Variants in ZBTB45 observed in about 807,000 individuals in gnomAD.
ZBTB45 encodes the protein zinc finger and BTB domain containing 45, also known as zinc finger and BTB domain-containing protein 45.
Under a neutral mutation model 28.4 loss-of-function variants are expected in ZBTB45, and 22 were observed. That is an observed-to-expected ratio of 0.77 (90% confidence interval 0.55 to 1.10). ZBTB45 has a LOEUF of 1.10. Among genes scored for constraint, ZBTB45 ranks in the 50% least tolerant of loss-of-function variants. The probability of loss-of-function intolerance (pLI) is 0.00; values close to 1 mark genes in which losing one functional copy is unlikely to be tolerated. For missense variants in ZBTB45, 656 were observed against 750.2 expected, an observed-to-expected ratio of 0.87 and a Z score of 1.47; for synonymous variants, 361 against 332.3, an observed-to-expected ratio of 1.09 and a Z score of -0.94.
At chr19:58,530,892 C>T (rs150434806) in intron 1 of ZBTB45, among the ~76,000 whole-genome samples, 1,727 of 152,150 alleles carry the variant, frequency 0.011, 19 homozygotes, top group Admixed American at 0.026. Context: ...ACTGTGTTAG[C>T]CAGGATGGTC....
At chr19:58,528,952 C>T (rs907107944) in intron 1 of ZBTB45, among the ~76,000 whole-genome samples, 3 of 151,268 alleles carry the variant, frequency 2.0e-5, no homozygotes, top group Admixed American at 6.6e-5. Flanking sequence ...GGTGTGGTGG[C>T]GCATGCCTGT....
At chr19:58,526,019 A>G (rs532516542) in intron 1 of ZBTB45, among the ~76,000 whole-genome samples, 25 of 152,222 alleles carry the variant, frequency 1.6e-4, no homozygotes, top group South Asian at 4.1e-4. Context: ...CCTGAGGTCA[A>G]GAGTTCCAGA....
chr19:58,522,446 G>A (rs1050528461), upstream of ZBTB45, among the ~76,000 whole-genome samples: 2 of 151,966 alleles, frequency 1.3e-5, no homozygotes, highest in Non-Finnish European at 2.9e-5. Context: ...ACAGGCATGA[G>A]CCACTGTGCC....
intron 1 of ZBTB45, among the ~76,000 whole-genome samples, chr19:58,531,904 T>A (rs2053637239): frequency 6.6e-6 from 1 of 152,192 alleles, no homozygotes; most frequent in East Asian, 1.9e-4. Context: ...CAGGCTCAGC[T>A]AGGACTTTCC....
chr19:58,538,201 T>TTTTC (rs2053671127), intron 1 of ZBTB45, among the ~76,000 whole-genome samples: 1 of 151,810 alleles, frequency 6.6e-6, no homozygotes, highest in African/African-American at 2.4e-5. Flanking sequence ...CAACTTTTTT[T>TTTTC]TTTTCTTTTC....
chr19:58,522,953 G>C (rs1351951759), upstream of ZBTB45, among the ~76,000 whole-genome samples: 4 of 152,158 alleles, frequency 2.6e-5, no homozygotes, highest in African/African-American at 9.7e-5. Context: ...TAGTGGGGTG[G>C]CAAACGCAGG....
chr19:58,528,984 T>C (rs2122590420), intron 1 of ZBTB45, among the ~76,000 whole-genome samples: 1 of 151,140 alleles, frequency 6.6e-6, no homozygotes, highest in East Asian at 1.9e-4. Flanking sequence ...CTTGGGAGGC[T>C]GAGGCAGGAG....
chr19:58,529,360 G>C (rs551440043), intron 1 of ZBTB45, among the ~76,000 whole-genome samples: 2 of 152,308 alleles, frequency 1.3e-5, no homozygotes, highest in African/African-American at 2.4e-5. Context: ...AGCCCGAGGA[G>C]GTTGAGGCTG....
In ZBTB45 at chr19:58,517,092, A is replaced by T. The variant is rs2053515629; in HGVS notation, c.582T>A (p.Asp194Glu). The T allele has an allele frequency of 3.7e-6, 6 of 1,613,092 alleles. No individual in the cohort carries two copies. Among genetic ancestry groups the T allele is most frequent in the Non-Finnish European group, 5.1e-6 (6 of 1,179,944 alleles). Residue 194 changes from aspartate (D) to glutamate (E), a missense_variant, in exon 2 of 3, where the codon GAT becomes GAA. Transcript: ENST00000594051. ...GGGCCGCGGACAGTGAGGGGTCAGC[A>T]TCAGGCCCCTCAGCCTTGGCAGGTG... ...PPTPAKAEGPDADPSLSAAPD... is the reference protein window; with the variant it reads ...PPTPAKAEGPEADPSLSAAPD...
rs1168853682 is a variant in ZBTB45 at position 58,517,079 on chromosome 19, G to C, written c.595C>G (p.Leu199Val). 1 of 1,613,084 alleles carries C rather than the reference G, an allele frequency of 6.2e-7. No homozygotes were observed. Among genetic ancestry groups the C allele is most frequent in the Admixed American group, 1.7e-5 (1 of 60,002 alleles). The change falls in exon 2 of 3, where the codon CTG (leucine) becomes GTG (valine). Residue 199 changes from leucine to valine, a missense_variant. Transcript: ENST00000594051. ...CCTCGGTCATCAGGGGCCGCGGACA[G>C]TGAGGGGTCAGCATCAGGCCCCTCA... ...KAEGPDADPSLSAAPDDRGDE... is the reference protein window; with the variant it reads ...KAEGPDADPSVSAAPDDRGDE...
In ZBTB45 at chr19:58,516,994, C is replaced by G; in HGVS notation, c.680G>C (p.Gly227Ala). ...AGGAGGTGCCTGGCCCTCGCCTGGGCCGCCACCTTCGCCATCCTCGCCATC... is the reference window on the plus strand; with the variant it reads ...AGGAGGTGCCTGGCCCTCGCCTGGGGCGCCACCTTCGCCATCCTCGCCATC... ...ETDGEDGEGG[G>A]PGEGQAPPSF... The change falls in exon 2 of 3, where the codon GGC becomes GCC. Residue 227 changes from glycine (G) to alanine (A), a missense_variant. Around this residue, in one of 3 missense-constraint regions of ZBTB45, gnomAD observed 448 missense variants for 444.3 expected, o/e 1.01. Coordinates refer to ENST00000594051, the MANE Select transcript of ZBTB45 (RefSeq NM_001316979.2). The surrounding 1 kb of genome is among the most constrained non-coding windows in gnomAD (Gnocchi z 6.2). 1 of 1,613,190 alleles carries G rather than the reference C, an allele frequency of 6.2e-7. No homozygotes were observed. Among genetic ancestry groups the G allele is most frequent in the Non-Finnish European group, 8.5e-7 (1 of 1,180,010 alleles).
intron 1 of ZBTB45, among the ~76,000 whole-genome samples, chr19:58,526,766 C>T (rs2053609999): frequency 6.9e-6 from 1 of 144,472 alleles, no homozygotes; most frequent in Admixed American, 6.9e-5. Flanking sequence ...CTCCTGACCT[C>T]GTGATCCGCC....
At chr19:58,524,433 ATATGTGTGTGTGTG>A (rs2053596122), upstream of ZBTB45, among the ~76,000 whole-genome samples, 54 of 111,792 alleles carry the variant, frequency 4.8e-4, no homozygotes, top group African/African-American at 1.9e-3. Context: ...GTGTGTTCAT[ATATGTGTGTGTGTG>A]TGTGTGTGTG....
At chr19:58,519,367 C>G in intron 1 of ZBTB45, 1 of 152,380 alleles carries the variant, frequency 6.6e-6, no homozygotes, top group East Asian at 1.9e-4. Context: ...CCGCGACGGG[C>G]TCCATTCCTC....
At chr19:58,533,074 G>C (rs765657489) in intron 1 of ZBTB45, among the ~76,000 whole-genome samples, 4 of 151,908 alleles carry the variant, frequency 2.6e-5, no homozygotes, top group Non-Finnish European at 5.9e-5. Context: ...GACCTCAGGT[G>C]ATCCACCCGC....
At chr19:58,525,618 A>G (rs577015467) in intron 1 of ZBTB45, among the ~76,000 whole-genome samples, 1 of 152,346 alleles carries the variant, frequency 6.6e-6, no homozygotes, top group African/African-American at 2.4e-5. Flanking sequence ...AGGTGGTAGA[A>G]GCAATGGCTG....
At chr19:58,524,238 C>G (rs1395756583), upstream of ZBTB45, among the ~76,000 whole-genome samples, 1 of 146,934 alleles carries the variant, frequency 6.8e-6, no homozygotes, top group South Asian at 2.2e-4. Flanking sequence ...GGTGGTGGGC[C>G]CCTATAATCC....
At chr19:58,524,223 G>A (rs1040971419), upstream of ZBTB45, among the ~76,000 whole-genome samples, 3 of 151,194 alleles carry the variant, frequency 2.0e-5, no homozygotes, top group African/African-American at 4.8e-5. Context: ...TTAGCCAGGC[G>A]TGGTGGTGGT....
At chr19:58,534,658 G>A (rs1350242433) in intron 1 of ZBTB45, among the ~76,000 whole-genome samples, 1 of 150,324 alleles carries the variant, frequency 6.7e-6, no homozygotes, top group African/African-American at 2.5e-5. Context: ...CCAGGTTCAC[G>A]CCATTCTCCT....
Sources: allele counts gnomAD v4.1 joint callset (sites outside exome capture counted in the v4.1 genomes callset), GRCh38; gene constraint gnomAD v4.1.1; regional missense constraint gnomAD v4.1.1; non-coding constraint Gnocchi (gnomAD v3.1); transcripts MANE v1.5; gene names NCBI Gene and HGNC (gene_info 2026-07-23, HGNC 2026-07-21).